Variants in SCAF4 observed in about 807,000 individuals in gnomAD.
SCAF4 encodes SR-related CTD associated factor 4, also known as SR-related and CTD-associated factor 4.
A neutral mutation model predicts 129.8 loss-of-function variants in SCAF4; 25 were observed. The ratio of observed to expected loss-of-function variants is 0.19; its 90% CI spans 0.14 to 0.27. The LOEUF (loss-of-function observed/expected upper bound fraction) is 0.27, where lower values mean the gene tolerates loss of function less well. Ranked by LOEUF, SCAF4 falls within the 10% of genes least tolerant of loss-of-function variation. The pLI is 1.00. For missense variants in SCAF4, 1,246 were observed against 1,457.1 expected (o/e 0.86, Z 2.36); for synonymous variants, 551 against 497.7 (o/e 1.11, Z -1.43).
intron 19 of SCAF4, among the ~76,000 whole-genome samples, chr21:31,680,462 C>T (rs1185918939): frequency 6.6e-6 from 1 of 152,086 alleles, no homozygotes; most frequent in African/African-American, 2.4e-5. Flanking sequence ...AACATTAATA[C>T]AATAATTAGA....
rs550531357 is a variant in SCAF4 at position 31,707,057 on chromosome 21, GTTTAC to G, written c.31-705_31-701del. Reference sequence around the variant, plus strand: ...TAAGAGGTAAAATCATTCACTGGTTGTTTACTTTATTTTTTGGTACAACCAGAACA... The same window carrying G: ...TAAGAGGTAAAATCATTCACTGGTTGTTTATTTTTTGGTACAACCAGAACA... On this transcript the variant is annotated intron_variant, in intron 1 of 19. Coordinates refer to ENST00000286835, the MANE Select transcript of SCAF4 (RefSeq NM_020706.2). 1.6e-3 allele frequency among the ~76,000 whole-genome samples: 251 copies of G among 152,256 alleles called. 1 individual carries two copies. The highest frequency in any genetic ancestry group is 5.2e-3 in the Admixed American group (79 of 15,304).
In SCAF4 at chr21:31,672,213, G is replaced by T. The variant is rs762394023; in HGVS notation, c.2630C>A (p.Pro877Gln). ...CATGTGCGGTGGCATGGGACGGGGCGGCATCAAAGGGAACCGCTGTAAGTG... is the reference window on the plus strand; with the variant it reads ...CATGTGCGGTGGCATGGGACGGGGCTGCATCAAAGGGAACCGCTGTAAGTG... ...PPHLQRFPLMPPRPMPPHMMH... is the reference protein window; with the variant it reads ...PPHLQRFPLMQPRPMPPHMMH... The change falls in exon 20 of 20, where the codon CCG (proline) becomes CAG (glutamine). Residue 877 changes from proline (P) to glutamine (Q), a missense_variant. Coordinates refer to ENST00000286835, the MANE Select transcript of SCAF4 (RefSeq NM_020706.2). 2.5e-6 allele frequency: 4 copies of T among 1,609,360 alleles called. No homozygotes were observed. Among genetic ancestry groups the T allele is most frequent in the Non-Finnish European group, 3.4e-6 (4 of 1,177,574 alleles).
In SCAF4 at chr21:31,679,744, CAG is replaced by C. The variant is rs550206478; in HGVS notation, c.2488+5303_2488+5304del. Among the ~76,000 whole-genome samples, 427 of 152,184 alleles carry C rather than the reference CAG, an allele frequency of 2.8e-3. 2 individuals carry two copies. Among genetic ancestry groups the C allele is most frequent in the Non-Finnish European group, 4.3e-3 (292 of 67,978 alleles). On this transcript the variant is annotated intron_variant, in intron 19 of 19. Coordinates refer to ENST00000286835, the MANE Select transcript of SCAF4 (RefSeq NM_020706.2). ...TTGATAACATCTAATACATGAAAAACAGAATTATAAGTGAAATTGGAGAATGA... is the reference window on the plus strand; with the variant it reads ...TTGATAACATCTAATACATGAAAAACAATTATAAGTGAAATTGGAGAATGA...
Position 31,672,118 on chromosome 21 carries a change from A to G in SCAF4, c.2725T>C (p.Phe909Leu). Reference protein sequence around the residue: ...MPPPHGMKGPFPPHGPFVRPG... With the variant: ...MPPPHGMKGPLPPHGPFVRPG... ...CTAACAAAGGGGCCATGCGGTGGGA[A>G]GGGACCTTTCATTCCATGAGGTGGA... The change falls in exon 20 of 20, where the codon TTC becomes CTC. Residue 909 changes from phenylalanine (F) to leucine (L), a missense_variant. Physicochemically the swap from Phe to Leu is conservative, Grantham distance 22. Coordinates refer to ENST00000286835, the MANE Select transcript of SCAF4 (RefSeq NM_020706.2). 4 of 1,611,264 alleles carry G rather than the reference A, an allele frequency of 2.5e-6. No homozygotes were observed. The highest frequency in any genetic ancestry group is 3.4e-6 in the Non-Finnish European group (4 of 1,177,848).
chr21:31,719,082 G>C (rs557799531), intron 1 of SCAF4, among the ~76,000 whole-genome samples: 15 of 152,262 alleles, frequency 9.9e-5, no homozygotes, highest in Non-Finnish European at 2.1e-4. Context: ...CCTGAGGTCA[G>C]GAGTTTGAGA....
chr21:31,716,689 C>T (rs769941100), intron 1 of SCAF4, among the ~76,000 whole-genome samples: 3 of 152,104 alleles, frequency 2.0e-5, no homozygotes, highest in Non-Finnish European at 4.4e-5. Flanking sequence ...CCATAAAACA[C>T]TACTGCTAGA....
chr21:31,700,724 T>C, intron 7 of SCAF4: 2 of 438,378 alleles, frequency 4.6e-6, no homozygotes, highest in East Asian at 8.8e-5. Flanking sequence ...TCTGTTTCCT[T>C]TACTCCCTAA....
At chr21:31,688,253 T>A in intron 16 of SCAF4, 54 bp downstream of exon 16, 1 of 1,572,818 alleles carries the variant, frequency 6.4e-7, no homozygotes, top group Non-Finnish European at 8.7e-7. Flanking sequence ...CAGTAAGATT[T>A]AGAAAGGGAC....
Position 31,672,087 on chromosome 21 carries a change from C to G in SCAF4, c.2756G>C (p.Gly919Ala), listed in dbSNP as rs375327254. ...TGGGCCCCCGAGCCCTGGCATTCCA[C>G]CAGGCCTAACAAAGGGGCCATGCGG... is the stretch of plus-strand genomic sequence containing the variant. ...FPPHGPFVRP[G>A]GMPGLGGPGP... The change falls in exon 20 of 20, where the codon GGT (glycine) becomes GCT (alanine). Residue 919 changes from glycine (G) to alanine (A), a missense_variant. Around this residue, in one of 6 missense-constraint regions of SCAF4, gnomAD observed 339 missense variants for 325.0 expected, o/e 1.04. Coordinates refer to ENST00000286835, the MANE Select transcript of SCAF4 (RefSeq NM_020706.2). 2 of 1,613,270 alleles carry G rather than the reference C, an allele frequency of 1.2e-6. No homozygotes were observed. The highest frequency in any genetic ancestry group is 2.7e-5 in the African/African-American group (2 of 74,900).
In SCAF4 at chr21:31,719,953, T is replaced by G. The variant is rs184925950; in HGVS notation, c.30+11710A>C. On this transcript the variant is annotated intron_variant, in intron 1 of 19. Transcript: ENST00000286835. ...TTATCACATTAGGTCATTTTCCAAA[T>G]GTACTTCCCAAATCAATCCACAACT... Among the ~76,000 whole-genome samples, 591 of 152,332 alleles carry G rather than the reference T, an allele frequency of 3.9e-3. 6 individuals carry two copies. Among genetic ancestry groups the G allele is most frequent in the African/African-American group, 0.013 (554 of 41,568 alleles).
At chr21:31,718,977 G>C (rs2123667919) in intron 1 of SCAF4, among the ~76,000 whole-genome samples, 1 of 152,174 alleles carries the variant, frequency 6.6e-6, no homozygotes, top group South Asian at 2.1e-4. Flanking sequence ...ATATTTCTAT[G>C]TGCAGTAAGA....
intron 16 of SCAF4, among the ~76,000 whole-genome samples, chr21:31,686,140 T>C (rs577910145): frequency 1.3e-5 from 2 of 148,184 alleles, no homozygotes; most frequent in African/African-American, 2.5e-5. Flanking sequence ...GAGGTGGAGG[T>C]TGCAGTGAGC....
intron 1 of SCAF4, among the ~76,000 whole-genome samples, chr21:31,724,048 C>G (rs191268505): frequency 6.6e-6 from 1 of 152,200 alleles, no homozygotes; most frequent in African/African-American, 2.4e-5. Context: ...TTTCTGTATA[C>G]TTACTTATCT....
chr21:31,717,904 T>TACACATACAC (rs2050972606), intron 1 of SCAF4, among the ~76,000 whole-genome samples: 1 of 117,946 alleles, frequency 8.5e-6, no homozygotes, highest in African/African-American at 3.5e-5. Flanking sequence ...TACACATATA[T>TACACATACAC]ACACACACAC....
intron 1 of SCAF4, among the ~76,000 whole-genome samples, chr21:31,728,087 TC>T (rs1252160569): frequency 6.6e-6 from 1 of 152,142 alleles, no homozygotes; most frequent in East Asian, 1.9e-4. Context: ...ATTTCTCTTA[TC>T]CATAATTTTG....
intron 7 of SCAF4, 73 bp downstream of exon 7, chr21:31,700,922 A>G: frequency 6.9e-7 from 1 of 1,442,102 alleles, no homozygotes; most frequent in Middle Eastern, 1.7e-4. Context: ...CAGAAGGGAT[A>G]CAGAAGTGAT....
chr21:31,671,464 CA>C lies in SCAF4; in HGVS notation c.3378del (p.Ala1127LeufsTer27). ...GGTTCAACGGATGAGGTAGCCTCAG[CA>C]GGTAACTCTTCAGAAGGCTTTAGGA... is the stretch of plus-strand genomic sequence containing the variant. The part of the protein sequence containing the change: ...AAVLKPSEEL[P>X]AEATSSVEPE... On this transcript the variant is annotated frameshift_variant, in exon 20 of 20. Coordinates refer to ENST00000286835, the MANE Select transcript of SCAF4 (RefSeq NM_020706.2). LOFTEE classifies it high-confidence loss of function. 1.2e-6 allele frequency: 2 copies of C among 1,614,162 alleles called. No individual in the cohort carries two copies. The highest frequency in any genetic ancestry group is 1.7e-6 in the Non-Finnish European group (2 of 1,180,002).
chr21:31,695,334 C>T (rs2050358860), intron 9 of SCAF4, among the ~76,000 whole-genome samples: 1 of 151,944 alleles, frequency 6.6e-6, no homozygotes, highest in Non-Finnish European at 1.5e-5. Context: ...ACAATTAAGC[C>T]TTTTGGGAGG....
chr21:31,717,946 CAT>C (rs200398694), intron 1 of SCAF4, among the ~76,000 whole-genome samples: 2,727 of 118,492 alleles, frequency 0.023, 32 homozygotes, highest in Middle Eastern at 0.052. Context: ...CACACACACA[CAT>C]ATATATTTTT....
Sources: allele counts gnomAD v4.1 joint callset (sites outside exome capture counted in the v4.1 genomes callset), GRCh38; gene constraint gnomAD v4.1.1; regional missense constraint gnomAD v4.1.1; transcripts MANE v1.5; gene names NCBI Gene and HGNC (gene_info 2026-07-23, HGNC 2026-07-21).